Variants in CHRM5 observed in about 807,000 individuals in gnomAD.
CHRM5 encodes muscarinic acetylcholine receptor M5.
In CHRM5, 18 loss-of-function variants were observed where a neutral mutation model predicts 39.0. The observed-to-expected ratio is 0.46, with a 90% CI of 0.32 to 0.68. CHRM5 has a LOEUF of 0.68. Ranked by LOEUF, CHRM5 falls within the 30% of genes least tolerant of loss-of-function variation. The pLI is 0.04. For synonymous variants in CHRM5, 241 were observed against 246.3 expected (o/e 0.98, Z 0.20); for missense variants, 515 against 651.1 (o/e 0.79, Z 2.28).
At chr15:34,038,819 GC>G in intron 1 of CHRM5, 1 of 1,192,988 alleles carries the variant, frequency 8.4e-7, no homozygotes, top group Non-Finnish European at 1.0e-6. Context: ...CCGGCTCCCG[GC>G]GGCTGCCTCG....
rs1001431821 is a variant in CHRM5, at chr15:34,067,227, A to G, written c.*2911A>G. ...TGTTTTCCATTCAATTTTTGGTTGA[A>G]CAAAGCATTTTGTCAATATTCTCAG... On this transcript the variant is annotated 3_prime_UTR_variant, in exon 3 of 3. Coordinates refer to ENST00000383263, the MANE Select transcript of CHRM5 (RefSeq NM_012125.4). 2 of 152,194 alleles carry G rather than the reference A, an allele frequency of 1.3e-5. No individual in the cohort carries two copies. Among genetic ancestry groups the G allele is most frequent in the Admixed American group, 6.5e-5 (1 of 15,278 alleles). 9.4% of individuals were successfully genotyped at this position (152,194 alleles called of 1,614,324 possible).
chr15:34,033,474 C>A (rs1213532885), intron 1 of CHRM5, among the ~76,000 whole-genome samples: 1 of 151,376 alleles, frequency 6.6e-6, no homozygotes, highest in Non-Finnish European at 1.5e-5. Context: ...CCACTGCACT[C>A]CAGCCTGGGT....
chr15:34,052,931 T>C (rs1899981395), intron 2 of CHRM5, among the ~76,000 whole-genome samples: 1 of 152,118 alleles, frequency 6.6e-6, no homozygotes, highest in Admixed American at 6.6e-5. Flanking sequence ...CAAAGTAGTT[T>C]ATAGATTCAA....
rs1326029548 is a variant in CHRM5, at chr15:34,064,461, T to C, written c.*145T>C. 1 of 998,742 alleles carries C rather than the reference T, an allele frequency of 1.0e-6. No homozygotes were observed. The highest frequency in any genetic ancestry group is 1.6e-5 in the African/African-American group (1 of 60,976). The allele number at this position is 998,742 out of a possible 1,614,324, so 61.9% of individuals were successfully genotyped here. ...ATTTTTGTAAAGGCTCAAGTTTGGT[T>C]GCCAAATGGAAGGGGCCATAGCTGC... On this transcript the variant is annotated 3_prime_UTR_variant, in exon 3 of 3. Transcript: ENST00000383263.
chr15:33,975,400 A>G (rs1895841809), intron 1 of CHRM5, among the ~76,000 whole-genome samples: 1 of 152,210 alleles, frequency 6.6e-6, no homozygotes, highest in African/African-American at 2.4e-5. Context: ...ATGCTACTCA[A>G]TTATTCTGCT....
chr15:34,025,637 C>T (rs995043887), intron 1 of CHRM5, among the ~76,000 whole-genome samples: 2 of 152,040 alleles, frequency 1.3e-5, no homozygotes, highest in African/African-American at 4.8e-5. Flanking sequence ...TAAAAGATTT[C>T]CTTGCTTTTA....
chr15:34,013,364 A>G (rs1378810811), intron 1 of CHRM5, among the ~76,000 whole-genome samples: 1 of 152,242 alleles, frequency 6.6e-6, no homozygotes, highest in African/African-American at 2.4e-5. Context: ...GCCTGGCCAA[A>G]TGTTTTAAAT....
At position 34,002,511 on chromosome 15, in the gene CHRM5, G is replaced by A. The variant is rs968841414; in HGVS notation, c.-408+33361G>A. On this transcript the variant is annotated intron_variant, in intron 1 of 2. Coordinates refer to ENST00000383263, the MANE Select transcript of CHRM5 (RefSeq NM_012125.4). ...TCAATCTTAGATTACAGCTGATCAC[G>A]GAAAGGCTGGGTTTTTCACTTTATT... 3.8e-5 allele frequency among the ~76,000 whole-genome samples: 5 copies of A among 131,724 alleles called. No homozygotes were observed. The East Asian group carries it at 9.5e-4, about 25-fold the overall frequency. The allele number at this position is 131,724 out of a possible 152,430, so 86.4% of individuals were successfully genotyped here.
intron 1 of CHRM5, chr15:34,039,197 G>A (rs1466228439): frequency 3.9e-5 from 25 of 638,598 alleles, no homozygotes; most frequent in Admixed American, 1.2e-4. Context: ...ATCGAGGCCG[G>A]CCGCAGCGGA....
intron 1 of CHRM5, among the ~76,000 whole-genome samples, chr15:34,034,280 A>T (rs1433858237): frequency 6.6e-6 from 1 of 152,030 alleles, no homozygotes; most frequent in Admixed American, 6.6e-5. Flanking sequence ...ATGTCTACAA[A>T]ATATAAAAAT....
At chr15:34,059,076 T>C (rs1401681907) in intron 2 of CHRM5, among the ~76,000 whole-genome samples, 2 of 149,506 alleles carry the variant, frequency 1.3e-5, no homozygotes, top group Non-Finnish European at 2.9e-5. Flanking sequence ...TTTGCATTTT[T>C]AGTAGAGACA....
chr15:34,023,145 C>A (rs1338113521), intron 1 of CHRM5, among the ~76,000 whole-genome samples: 1 of 151,960 alleles, frequency 6.6e-6, no homozygotes, highest in Non-Finnish European at 1.5e-5. Context: ...CGCGCCACTG[C>A]GCTCCAGCCT....
At chr15:34,038,291 G>T (rs2140792012) in intron 1 of CHRM5, among the ~76,000 whole-genome samples, 1 of 152,284 alleles carries the variant, frequency 6.6e-6, no homozygotes, top group East Asian at 1.9e-4. Context: ...TTTTTATTAT[G>T]CGCCTACTGT....
rs545965245 is a variant in CHRM5 at position 34,030,071 on chromosome 15, T to C, written c.-407-16469T>C. Among the ~76,000 whole-genome samples, 3 of 152,062 alleles carry C rather than the reference T, an allele frequency of 2.0e-5. No homozygotes were observed. In the East Asian group the frequency reaches 5.8e-4, roughly 30 times the overall value. On this transcript the variant is annotated intron_variant, in intron 1 of 2. Transcript: ENST00000383263. ...GAGTTCGAGCCCAGCCTGGCCAACA[T>C]GGTGCGACCCCATCTCTACTAAAAA...
At chr15:34,026,134 T>A (rs2568539) in intron 1 of CHRM5, among the ~76,000 whole-genome samples, 24,506 of 152,178 alleles carry the variant, frequency 0.16, 3,016 homozygotes, top group African/African-American at 0.34. Flanking sequence ...CTTCTACCCT[T>A]TTCAGAGTTT....
At chr15:34,051,402 G>T (rs1039160249) in intron 2 of CHRM5, among the ~76,000 whole-genome samples, 2 of 152,082 alleles carry the variant, frequency 1.3e-5, no homozygotes, top group Non-Finnish European at 2.9e-5. Context: ...AAGATCTCAA[G>T]TTAAAAACCT....
At position 33,983,142 on chromosome 15, in the gene CHRM5, G is replaced by GTA. The variant is rs1555512726; in HGVS notation, c.-408+13993_-408+13994insAT. On this transcript the variant is annotated intron_variant, in intron 1 of 2. Transcript: ENST00000383263. ...ATGTCCATACTCTGTGTGTGTGTGT[G>GTA]TGTGTGTGTGTGTGTGTATGTGTGT... is the stretch of plus-strand genomic sequence containing the variant. 1.7e-3 allele frequency among the ~76,000 whole-genome samples: 199 copies of GTA among 115,626 alleles called. 2 individuals are homozygous for GTA. Among genetic ancestry groups the GTA allele is most frequent in the African/African-American group, 8.0e-3 (173 of 21,694 alleles). The allele number at this position is 115,626 out of a possible 152,430, so 75.9% of individuals were successfully genotyped here.
At chr15:34,008,767 C>T (rs1455678665) in intron 1 of CHRM5, among the ~76,000 whole-genome samples, 2 of 152,030 alleles carry the variant, frequency 1.3e-5, no homozygotes, top group African/African-American at 4.8e-5. Context: ...GGATTACAGG[C>T]GTGAGCCACC....
rs140949296 is a variant in CHRM5, at chr15:34,063,720, G to A, written c.1003G>A (p.Glu335Lys). 4 of 1,614,096 alleles carry A rather than the reference G, an allele frequency of 2.5e-6. No individual in the cohort carries two copies. The highest frequency in any genetic ancestry group is 3.4e-6 in the Non-Finnish European group (4 of 1,180,062). ...GAGTCAGGGTAAGGAAAGCCCAGGGGAAGAATTCAGTGCTGAAGAGACTGA... is the reference window on the plus strand; with the variant it reads ...GAGTCAGGGTAAGGAAAGCCCAGGGAAAGAATTCAGTGCTGAAGAGACTGA... ...YKSQGKESPG[E>K]EFSAEETEET... Residue 335 changes from glutamate to lysine, a missense_variant, in exon 3 of 3, where the codon GAA (glutamate) becomes AAA (lysine). Transcript: ENST00000383263. The surrounding 1 kb of genome is among the most constrained non-coding windows in gnomAD (Gnocchi z 4.1).
Sources: gnomAD v4.1 joint callset for allele counts (sites outside exome capture counted in the v4.1 genomes callset) on GRCh38, gnomAD v4.1.1 for gene constraint, Gnocchi (gnomAD v3.1) non-coding constraint, MANE v1.5 for transcripts, NCBI Gene and HGNC (gene_info 2026-07-23, HGNC 2026-07-21) for gene names.